SMG6: variants seen among roughly 807,000 people sequenced by gnomAD.
SMG6 encodes SMG6 nonsense mediated mRNA decay factor, also known as telomerase-binding protein EST1A.
Under a neutral mutation model 142.2 loss-of-function variants are expected in SMG6, and 66 were observed. The observed-to-expected ratio is 0.46, with a 90% CI of 0.38 to 0.57. The LOEUF (loss-of-function observed/expected upper bound fraction) is 0.57, where lower values mean the gene tolerates loss of function less well. SMG6 is among the 20% of genes least tolerant of loss of function. The pLI is 0.00. For synonymous variants in SMG6, 779 were observed against 702.4 expected, an observed-to-expected ratio of 1.11 and a Z score of -1.72; for missense variants, 1,793 against 1,832.0, an observed-to-expected ratio of 0.98 and a Z score of 0.39.
intron 8 of SMG6, 66 bp downstream of exon 8, chr17:2,282,581 G>A: frequency 6.6e-7 from 1 of 1,513,216 alleles, no homozygotes; most frequent in Non-Finnish European, 9.2e-7. Flanking sequence ...CCTCACAGCT[G>A]TATGAACCAG....
At chr17:2,275,100 T>TTTAA (rs1474983968) in intron 8 of SMG6, among the ~76,000 whole-genome samples, 1 of 151,962 alleles carries the variant, frequency 6.6e-6, no homozygotes, top group Non-Finnish European at 1.5e-5. Context: ...GAGGAAGTGT[T>TTTAA]TTAAGGGTTG....
intron 8 of SMG6, among the ~76,000 whole-genome samples, chr17:2,279,395 A>G (rs148776448): frequency 6.6e-6 from 1 of 152,344 alleles, no homozygotes; most frequent in East Asian, 1.9e-4. Context: ...GACTATGTCG[A>G]GGATTTTAGA....
rs926225727 is a variant in SMG6 at position 2,172,796 on chromosome 17, C to A, written c.3219G>T (p.Gln1073His). The A allele has an allele frequency of 6.2e-7, 1 of 1,614,060 alleles. No individual in the cohort carries two copies. The highest frequency in any genetic ancestry group is 1.3e-5 in the African/African-American group (1 of 74,918). The change falls in exon 13 of 19, where the codon CAG (glutamine) becomes CAT (histidine). Residue 1073 changes from glutamine (Q) to histidine (H), a missense_variant. Gln to His is a conservative substitution (Grantham distance 24). Around this residue, in one of 3 missense-constraint regions of SMG6, gnomAD observed 1,597 missense variants for 1,584.6 expected, o/e 1.01. Coordinates refer to ENST00000263073, the MANE Select transcript of SMG6 (RefSeq NM_017575.5). ...DFCNILTAVN[Q>H]SEVPLYKDPD... ...GGTCCTTGTACAGTGGCACCTCAGA[C>A]TGATTCACTGCAGTCAGTATGTTAC...
At position 2,244,146 on chromosome 17, in the gene SMG6, G is replaced by A. The variant is rs184341505; in HGVS notation, c.2723+512C>T. Among the ~76,000 whole-genome samples the A allele has an allele frequency of 8.5e-5, 13 of 152,206 alleles. No individual in the cohort carries two copies. In the South Asian group the frequency reaches 1.0e-3, roughly 12 times the overall value. Reference sequence around the variant, plus strand: ...GAAATCCATGGTGGATGATGAAACCGTAAGAGGCTTGGTATCTAATGAGAT... The same window carrying A: ...GAAATCCATGGTGGATGATGAAACCATAAGAGGCTTGGTATCTAATGAGAT... On this transcript the variant is annotated intron_variant, in intron 9 of 18. Coordinates refer to ENST00000263073, the MANE Select transcript of SMG6 (RefSeq NM_017575.5).
chr17:2,117,620 A>T (rs1445700653), intron 13 of SMG6: 1 of 152,220 alleles, frequency 6.6e-6, no homozygotes, highest in Non-Finnish European at 1.5e-5. Context: ...GTACAGTGAA[A>T]AGTATAAAAG....
intron 10 of SMG6, among the ~76,000 whole-genome samples, chr17:2,217,356 T>A (rs998113308): frequency 3.9e-5 from 6 of 151,978 alleles, no homozygotes; most frequent in Non-Finnish European, 7.4e-5. Flanking sequence ...TTTTGATGGA[T>A]ATCCATCAGT....
chr17:2,184,434 G>C (rs1474578467), intron 12 of SMG6, among the ~76,000 whole-genome samples: 1 of 151,678 alleles, frequency 6.6e-6, no homozygotes, highest in East Asian at 1.9e-4. Context: ...GAGGTGGGTA[G>C]ATCACCTGAG....
intron 9 of SMG6, chr17:2,236,929 G>C (rs2073677304): frequency 1.2e-6 from 1 of 805,158 alleles, no homozygotes. Flanking sequence ...CTCACCCCTG[G>C]CAATAACTGT....
chr17:2,207,115 TCCAAAAA>T (rs1382542154), intron 10 of SMG6, among the ~76,000 whole-genome samples: 10 of 56,642 alleles, frequency 1.8e-4, no homozygotes, highest in South Asian at 5.4e-4. Flanking sequence ...CTACTAAAAA[TCCAAAAA>T]AAAAAAAAAA....
intron 10 of SMG6, among the ~76,000 whole-genome samples, chr17:2,225,760 G>A (rs2073297222): frequency 6.6e-6 from 1 of 152,202 alleles, no homozygotes; most frequent in Admixed American, 6.5e-5. Context: ...AAGTATGCAT[G>A]CTTTAATTCC....
chr17:2,220,958 T>C (rs1359152131), intron 10 of SMG6, among the ~76,000 whole-genome samples: 1 of 152,202 alleles, frequency 6.6e-6, no homozygotes, highest in South Asian at 2.1e-4. Flanking sequence ...TTTTCATAAA[T>C]AGGACAGAAT....
At chr17:2,216,971 T>A (rs2073037764) in intron 10 of SMG6, among the ~76,000 whole-genome samples, 1 of 152,004 alleles carries the variant, frequency 6.6e-6, no homozygotes, top group South Asian at 2.1e-4. Context: ...GAAATTCAAG[T>A]TCAAAATAAG....
At chr17:2,122,437 A>C (rs796733024) in intron 13 of SMG6, 6 of 152,352 alleles carry the variant, frequency 3.9e-5, no homozygotes, top group African/African-American at 1.4e-4. Context: ...CTATTAAGGA[A>C]AACACAGTGT....
intron 8 of SMG6, among the ~76,000 whole-genome samples, chr17:2,254,973 GGT>G (rs2074131679): frequency 6.6e-6 from 1 of 152,110 alleles, no homozygotes; most frequent in African/African-American, 2.4e-5. Context: ...GTCACGTCCT[GGT>G]GTGTCTTAAG....
intron 8 of SMG6, chr17:2,244,938 C>T (rs1403265056): frequency 1.8e-6 from 1 of 558,100 alleles, no homozygotes. Context: ...AGTGAGCAGA[C>T]AGCACCCTCT....
Position 2,282,825 on chromosome 17 carries a change from A to G in SMG6, c.2483T>C (p.Phe828Ser), listed in dbSNP as rs1351040305. The G allele has an allele frequency of 6.2e-7, 1 of 1,614,160 alleles. No individual in the cohort carries two copies. The highest frequency in any genetic ancestry group is 1.1e-5 in the South Asian group (1 of 91,076). The part of the protein sequence containing the change: ...EQMEKKQHEE[F>S]DLSPDQWRKG... ...CCGCCACTGGTCAGGGCTCAGGTCAAATTCCTCATGTTGCTTCTTTTCCAT... is the reference window on the plus strand; with the variant it reads ...CCGCCACTGGTCAGGGCTCAGGTCAGATTCCTCATGTTGCTTCTTTTCCAT... Residue 828 changes from phenylalanine to serine, a missense_variant, in exon 8 of 19, where the codon TTT (phenylalanine) becomes TCT (serine). Around this residue, in one of 3 missense-constraint regions of SMG6, gnomAD observed 1,597 missense variants for 1,584.6 expected, o/e 1.01. Transcript: ENST00000263073.
At chr17:2,227,566 T>C (rs931603708) in intron 10 of SMG6, among the ~76,000 whole-genome samples, 1 of 152,200 alleles carries the variant, frequency 6.6e-6, no homozygotes, top group African/African-American at 2.4e-5. Context: ...AGCAGTCGCC[T>C]AGGGCAAGGG....
chr17:2,170,105 C>T (rs1232008834), intron 13 of SMG6, among the ~76,000 whole-genome samples: 1 of 152,092 alleles, frequency 6.6e-6, no homozygotes, highest in Non-Finnish European at 1.5e-5. Flanking sequence ...GGTTGGCGGG[C>T]AGCGGGTGGG....
intron 4 of SMG6, among the ~76,000 whole-genome samples, chr17:2,294,932 A>ACAC (rs2151402879): frequency 6.6e-6 from 1 of 151,782 alleles, no homozygotes; most frequent in Non-Finnish European, 1.5e-5. Context: ...CTAGAGTGCA[A>ACAC]TAACGCAGTC....
Sources: allele counts gnomAD v4.1 joint callset (sites outside exome capture counted in the v4.1 genomes callset), GRCh38; gene constraint gnomAD v4.1.1; regional missense constraint gnomAD v4.1.1; transcripts MANE v1.5; gene names NCBI Gene and HGNC (gene_info 2026-07-23, HGNC 2026-07-21).